The following CLEC2A variants were observed in gnomAD, a reference collection of about 807,000 sequenced individuals.
CLEC2A encodes C-type lectin domain family 2 member A.
CLEC2A carries 19 observed loss-of-function variants against 18.6 expected under a neutral mutation model. The ratio of observed to expected loss-of-function variants is 1.02; its 90% CI spans 0.71 to 1.50. The LOEUF is 1.50. Among genes scored for constraint, CLEC2A ranks in the 40% most tolerant of loss-of-function variants. CLEC2A has a pLI of 0.00. For missense variants in CLEC2A, 190 were observed against 207.9 expected (o/e 0.91, Z 0.53); for synonymous variants, 74 against 64.0 (o/e 1.16, Z -0.75).
chr12:9,920,623 A>G (rs1444425893), intron 3 of CLEC2A, among the ~76,000 whole-genome samples: 8 of 152,158 alleles, frequency 5.3e-5, no homozygotes, highest in African/African-American at 1.9e-4. Flanking sequence ...GTTTCAGTTC[A>G]AAGTGCTGTA....
At chr12:9,920,977 T>G (rs2137044799) in intron 3 of CLEC2A, among the ~76,000 whole-genome samples, 1 of 152,320 alleles carries the variant, frequency 6.6e-6, no homozygotes, top group South Asian at 2.1e-4. Context: ...TTTAGATACA[T>G]AAACAGTATG....
At position 9,913,375 on chromosome 12, in the gene CLEC2A, G is replaced by A. The variant is rs1218983454; in HGVS notation, c.*191C>T. ...TAAATGTGATTGTGCCCTTATAAAAGGCTCCAGAGAACGGCCTTGTCTCTT... is the reference window on the plus strand; with the variant it reads ...TAAATGTGATTGTGCCCTTATAAAAAGCTCCAGAGAACGGCCTTGTCTCTT... On this transcript the variant is annotated 3_prime_UTR_variant, in exon 5 of 5. Transcript: ENST00000455827. 7.4e-6 allele frequency: 7 copies of A among 943,682 alleles called. No individual in the cohort carries two copies. Among genetic ancestry groups the A allele is most frequent in the Non-Finnish European group, 1.0e-5 (7 of 678,370 alleles). 58.5% of individuals were successfully genotyped at this position (943,682 alleles called of 1,614,324 possible).
At chr12:9,888,852 T>A in the CLEC2A span, 1 of 868,158 alleles carries the variant, frequency 1.2e-6, no homozygotes, top group Non-Finnish European at 1.8e-6. Flanking sequence ...CTTCCTGGCG[T>A]TCACCCATGT....
downstream of CLEC2A, among the ~76,000 whole-genome samples, chr12:9,910,265 G>A (rs530119829): frequency 1.3e-5 from 2 of 152,266 alleles, no homozygotes; most frequent in South Asian, 2.1e-4. Flanking sequence ...GCAACTATCA[G>A]GAGGAATTTC....
At chr12:9,881,572 A>G in the CLEC2A span, 1 of 1,471,512 alleles carries the variant, frequency 6.8e-7, no homozygotes, top group Non-Finnish European at 9.2e-7. Flanking sequence ...TTTCTGGATA[A>G]TAAGACATTA....
intron 4 of CLEC2A, among the ~76,000 whole-genome samples, chr12:9,904,476 T>C (rs1433948266): frequency 6.6e-6 from 1 of 152,208 alleles, no homozygotes; most frequent in Non-Finnish European, 1.5e-5. Context: ...TCTAGAGCTA[T>C]GGTCTGCCTT....
At chr12:9,910,149 G>C (rs1862962688), downstream of CLEC2A, among the ~76,000 whole-genome samples, 1 of 152,118 alleles carries the variant, frequency 6.6e-6, no homozygotes, top group South Asian at 2.1e-4. Flanking sequence ...GAGGGTTTGA[G>C]GATTGGCTCT....
chr12:9,924,206 A>T (rs1863225596), intron 2 of CLEC2A, among the ~76,000 whole-genome samples: 2 of 151,742 alleles, frequency 1.3e-5, no homozygotes, highest in Admixed American at 6.6e-5. Flanking sequence ...GCATTTCTCT[A>T]CTGACCAGTG....
At chr12:9,887,407 C>T in the CLEC2A span, among the ~76,000 whole-genome samples, 42 of 152,178 alleles carry the variant, frequency 2.8e-4, no homozygotes, top group African/African-American at 8.7e-4. Flanking sequence ...GATTTTTAAA[C>T]GCACCTAAAA....
At chr12:9,911,309 G>T (rs1275778733), downstream of CLEC2A, among the ~76,000 whole-genome samples, 2 of 152,174 alleles carry the variant, frequency 1.3e-5, no homozygotes, top group African/African-American at 4.8e-5. Flanking sequence ...AGGGCTGTTT[G>T]CAGGCTAGAA....
downstream of CLEC2A, among the ~76,000 whole-genome samples, chr12:9,912,242 T>C (rs1591789184): frequency 6.6e-6 from 1 of 152,106 alleles, no homozygotes; most frequent in Non-Finnish European, 1.5e-5. Context: ...AGCCCTTGGG[T>C]GGGGAAGGGG....
At chr12:9,916,899 A>G (rs1190608925) in intron 3 of CLEC2A, 96 bp from the exon 4 acceptor site, 1 of 734,536 alleles carries the variant, frequency 1.4e-6, no homozygotes, top group Admixed American at 2.2e-5. Context: ...TTTAGGATTC[A>G]CATTCTAATT....
intron 1 of CLEC2A, among the ~76,000 whole-genome samples, 196 bp downstream of exon 1, chr12:9,932,079 C>G (rs1402053394): frequency 1.3e-5 from 2 of 152,214 alleles, no homozygotes; most frequent in East Asian, 3.8e-4. Context: ...TTCTTACACA[C>G]AAGCTTATAC....
intron 4 of CLEC2A, among the ~76,000 whole-genome samples, chr12:9,915,487 A>G (rs1161711777): frequency 4.6e-5 from 7 of 152,226 alleles, no homozygotes; most frequent in Non-Finnish European, 1.0e-4. Flanking sequence ...TTAAAAAAAA[A>G]TGTGGTACAT....
rs1863019488 is a variant in CLEC2A at position 9,913,528 on chromosome 12, T to C, written c.*38A>G. On this transcript the variant is annotated 3_prime_UTR_variant, in exon 5 of 5. Coordinates refer to ENST00000455827, the MANE Select transcript of CLEC2A (RefSeq NM_001130711.2). ...TTTGCATAATTAGCTCTTCTTTCAA[T>C]CTTGAAGTGTGATAATCATTTTCAA... is the stretch of plus-strand genomic sequence containing the variant. 4 of 1,530,820 alleles carry C rather than the reference T, an allele frequency of 2.6e-6. No homozygotes were observed. Among genetic ancestry groups the C allele is most frequent in the Non-Finnish European group, 3.5e-6 (4 of 1,141,968 alleles). The allele number at this position is 1,530,820 out of a possible 1,614,324, so 94.8% of individuals were successfully genotyped here.
At chr12:9,888,414 T>C in the CLEC2A span, among the ~76,000 whole-genome samples, 1 of 151,608 alleles carries the variant, frequency 6.6e-6, no homozygotes, top group Non-Finnish European at 1.5e-5. Flanking sequence ...GGCGAGAACC[T>C]GGGAGTCGGA....
intron 4 of CLEC2A, chr12:9,899,022 A>G (rs1862790288): frequency 1.4e-6 from 1 of 697,022 alleles, no homozygotes; most frequent in Non-Finnish European, 2.6e-6. Flanking sequence ...AACATATATC[A>G]AAACGAAACA....
At chr12:9,887,230 T>A in the CLEC2A span, among the ~76,000 whole-genome samples, 6 of 152,048 alleles carry the variant, frequency 3.9e-5, no homozygotes, top group African/African-American at 1.4e-4. Flanking sequence ...AAGAACCCAC[T>A]AAGTTCGGAA....
chr12:9,910,148 A>G (rs1359915660), downstream of CLEC2A, among the ~76,000 whole-genome samples: 1 of 152,172 alleles, frequency 6.6e-6, no homozygotes, highest in Non-Finnish European at 1.5e-5. Context: ...TGAGGGTTTG[A>G]GGATTGGCTC....
Sources: allele counts gnomAD v4.1 joint callset (sites outside exome capture counted in the v4.1 genomes callset), GRCh38; gene constraint gnomAD v4.1.1; transcripts MANE v1.5; gene names NCBI Gene and HGNC (gene_info 2026-07-23, HGNC 2026-07-21).